C21orf91: variants seen among roughly 807,000 people sequenced by gnomAD.
The protein encoded by C21orf91 is protein EURL homolog.
In C21orf91, 26 loss-of-function variants were observed where a neutral mutation model predicts 32.9. The observed-to-expected ratio is 0.79, with a 90% CI of 0.58 to 1.10. The LOEUF is 1.10. Ranked by LOEUF, C21orf91 falls within the 50% of genes least tolerant of loss-of-function variation. The pLI, the probability that C21orf91 is intolerant of heterozygous loss-of-function variation, is 0.00. For synonymous variants in C21orf91, 126 were observed against 120.4 expected, an observed-to-expected ratio of 1.05 and a Z score of -0.31; for missense variants, 310 against 341.3, an observed-to-expected ratio of 0.91 and a Z score of 0.72.
chr21:17,815,420 T>G (rs1327722963), intron 2 of C21orf91, among the ~76,000 whole-genome samples: 1 of 152,212 alleles, frequency 6.6e-6, no homozygotes, highest in Non-Finnish European at 1.5e-5. Flanking sequence ...ATGTCATTTT[T>G]AAAAAGCCCC....
intron 2 of C21orf91, among the ~76,000 whole-genome samples, chr21:17,815,751 C>A (rs2062661308): frequency 6.6e-6 from 1 of 152,092 alleles, no homozygotes; most frequent in South Asian, 2.1e-4. Context: ...ACCTCCACCT[C>A]CTGGGTTCAA....
chr21:17,801,022 C>T (rs1162716107), intron 2 of C21orf91, among the ~76,000 whole-genome samples: 1 of 152,032 alleles, frequency 6.6e-6, no homozygotes, highest in Non-Finnish European at 1.5e-5. Flanking sequence ...ACCAGAAATA[C>T]CATTTGACCC....
intron 3 of C21orf91, among the ~76,000 whole-genome samples, chr21:17,795,940 T>G (rs78941194): frequency 1.3e-5 from 2 of 152,358 alleles, no homozygotes; most frequent in South Asian, 2.1e-4. Flanking sequence ...AAGCATTAGA[T>G]AGTTTATAAC....
At chr21:17,798,007 C>T (rs1268083291) in intron 2 of C21orf91, among the ~76,000 whole-genome samples, 2 of 151,942 alleles carry the variant, frequency 1.3e-5, no homozygotes, top group Admixed American at 1.3e-4. Context: ...TAAGTTCAAG[C>T]CATGTTATTA....
chr21:17,807,704 G>A (rs977275927), intron 2 of C21orf91, among the ~76,000 whole-genome samples: 1 of 152,130 alleles, frequency 6.6e-6, no homozygotes, highest in African/African-American at 2.4e-5. Flanking sequence ...TGGGAACTGG[G>A]GTAAAGGTCA....
chr21:17,806,732 C>T (rs374714663), intron 2 of C21orf91, among the ~76,000 whole-genome samples: 28 of 152,184 alleles, frequency 1.8e-4, no homozygotes, highest in African/African-American at 5.5e-4. Context: ...CCCAGCTACT[C>T]GGGAGGCTGA....
chr21:17,798,691 T>C (rs1479848134), intron 2 of C21orf91, among the ~76,000 whole-genome samples: 1 of 152,226 alleles, frequency 6.6e-6, no homozygotes, highest in Admixed American at 6.5e-5. Flanking sequence ...GAATTATAAA[T>C]CTCAAAGCTT....
chr21:17,803,501 T>TGA (rs2062575893), intron 2 of C21orf91, among the ~76,000 whole-genome samples: 1 of 152,096 alleles, frequency 6.6e-6, no homozygotes, highest in Non-Finnish European at 1.5e-5. Context: ...GGCAACAGAG[T>TGA]GAGACCCTGT....
intron 3 of C21orf91, among the ~76,000 whole-genome samples, chr21:17,796,128 G>C (rs2062515943): frequency 6.6e-6 from 1 of 152,184 alleles, no homozygotes; most frequent in Admixed American, 6.5e-5. Context: ...GATGTAGAGA[G>C]AATGAGTCAC....
chr21:17,799,255 T>G (rs980222191), intron 2 of C21orf91, among the ~76,000 whole-genome samples: 5 of 152,204 alleles, frequency 3.3e-5, no homozygotes, highest in Admixed American at 3.3e-4. Context: ...GATATCTATT[T>G]GAAGAATAAT....
In C21orf91 at chr21:17,793,413, G is replaced by T; in HGVS notation, c.*2C>A. On this transcript the variant is annotated 3_prime_UTR_variant, in exon 5 of 5. Coordinates refer to ENST00000284881, the MANE Select transcript of C21orf91 (RefSeq NM_001100420.2). ...AGGGCATACGAAGTAAGTCTGTTTA[G>T]GTCAGTTGTTTATGGGTAGGTGCGA... 6.3e-7 allele frequency: 1 copy of T among 1,599,358 alleles called. No homozygotes were observed.
rs746443071 is a variant in C21orf91 at position 17,818,442 on chromosome 21, G to C, written c.-7-117C>G. On this transcript the variant is annotated intron_variant, in intron 1 of 4. Coordinates refer to ENST00000284881, the MANE Select transcript of C21orf91 (RefSeq NM_001100420.2). ...GCTGTTCAGCTCATTTAAAGCAAAAGCTCCATCAAACAAGCATCGCCATAC... is the reference window on the plus strand; with the variant it reads ...GCTGTTCAGCTCATTTAAAGCAAAACCTCCATCAAACAAGCATCGCCATAC... 1.7e-4 allele frequency: 132 copies of C among 784,540 alleles called. No individual in the cohort carries two copies. In the Middle Eastern group the frequency reaches 1.9e-3, roughly 11 times the overall value. 48.6% of individuals were successfully genotyped at this position (784,540 alleles called of 1,614,324 possible).
rs775149503 is a variant in C21orf91 at position 17,818,229 on chromosome 21, G to A, written c.90C>T (p.Leu30=). The A allele has an allele frequency of 1.9e-6, 3 of 1,609,568 alleles. No homozygotes were observed. The highest frequency in any genetic ancestry group is 2.6e-6 in the Non-Finnish European group (3 of 1,175,908). The part of the protein sequence containing the change: ...VCKLGTDKET[L]SFCHICFELN... ...GCTCAAAACAAATGTGGCAGAAGGA[G>A]AGTGTTTCTTTGTCTGTTCCCAGTT... is the stretch of plus-strand genomic sequence containing the variant. Residue 30 remains leucine, a synonymous_variant, in exon 2 of 5, where the codon CTC becomes CTT. Transcript: ENST00000284881.
intron 2 of C21orf91, among the ~76,000 whole-genome samples, chr21:17,807,677 G>A (rs965488553): frequency 4.6e-5 from 7 of 152,148 alleles, no homozygotes; most frequent in South Asian, 4.1e-4. Flanking sequence ...AGTCTCAGAT[G>A]GAGATGATAA....
intron 2 of C21orf91, among the ~76,000 whole-genome samples, chr21:17,798,132 G>A (rs1014541140): frequency 2.6e-5 from 4 of 151,930 alleles, no homozygotes; most frequent in East Asian, 1.9e-4. Flanking sequence ...TGGAGTAAGC[G>A]GAGAGCCACT....
intron 3 of C21orf91, 121 bp from the exon 4 acceptor site, chr21:17,795,391 A>G (rs908478150): frequency 2.9e-6 from 2 of 692,990 alleles, no homozygotes; most frequent in Non-Finnish European, 5.1e-6. Context: ...AACATTCAGC[A>G]GTACTCCAGT....
intron 2 of C21orf91, among the ~76,000 whole-genome samples, chr21:17,802,386 C>A (rs2062567767): frequency 6.6e-6 from 1 of 152,190 alleles, no homozygotes; most frequent in Non-Finnish European, 1.5e-5. Flanking sequence ...GTCTCAAACT[C>A]CCCACCTCAG....
rs1449900048 is a variant in C21orf91, at chr21:17,790,309, T to TA, written c.*3105dup. On this transcript the variant is annotated 3_prime_UTR_variant, in exon 5 of 5. Transcript: ENST00000284881. ...CACAAATAGATCTAAAAGCTTACTT[T>TA]AAAAAAACTACAAAAATGGACTAAC... The TA allele has an allele frequency of 1.3e-5, 2 of 151,940 alleles. No homozygotes were observed. The highest frequency in any genetic ancestry group is 2.9e-5 in the Non-Finnish European group (2 of 67,898). 9.4% of individuals were successfully genotyped at this position (151,940 alleles called of 1,614,324 possible).
chr21:17,799,069 A>T (rs950222827), intron 2 of C21orf91, among the ~76,000 whole-genome samples: 1 of 152,210 alleles, frequency 6.6e-6, no homozygotes, highest in Non-Finnish European at 1.5e-5. Flanking sequence ...TCTATGTAGC[A>T]ATGAAATTCT....
Sources: gnomAD v4.1 joint callset for allele counts (sites outside exome capture counted in the v4.1 genomes callset) on GRCh38, gnomAD v4.1.1 for gene constraint, MANE v1.5 for transcripts, NCBI Gene and HGNC (gene_info 2026-07-23, HGNC 2026-07-21) for gene names.